NRG1: variants seen among roughly 807,000 people sequenced by gnomAD.
The protein encoded by NRG1 is pro-neuregulin-1, membrane-bound isoform.
In NRG1, 18 loss-of-function variants were observed where a neutral mutation model predicts 63.8. That is an observed-to-expected ratio of 0.28 (90% CI 0.19 to 0.42). NRG1 has a LOEUF of 0.42. Among genes scored for constraint, NRG1 ranks in the 10% least tolerant of loss-of-function variants. The pLI, the probability that NRG1 is intolerant of heterozygous loss-of-function variation, is 1.00. For synonymous variants in NRG1, 302 were observed against 301.3 expected (o/e 1.00, Z -0.02); for missense variants, 762 against 814.7 (o/e 0.94, Z 0.79).
At chr8:32,638,066 G>C (rs1229892099) in intron 5 of NRG1, among the ~76,000 whole-genome samples, 1 of 152,132 alleles carries the variant, frequency 6.6e-6, no homozygotes, top group African/African-American at 2.4e-5. Context: ...GCAACTAAAA[G>C]CTTTCCTTTG....
intron 1 of NRG1, among the ~76,000 whole-genome samples, chr8:31,680,799 T>G (rs939042310): frequency 6.6e-6 from 1 of 152,132 alleles, no homozygotes; most frequent in Admixed American, 6.5e-5. Context: ...CTAAAATTGT[T>G]TTAGAAATTT....
intron 5 of NRG1, chr8:32,647,662 C>A: frequency 2.0e-6 from 3 of 1,501,372 alleles, no homozygotes; most frequent in Non-Finnish European, 2.7e-6. Context: ...GTTGGGGGGG[C>A]CTCTGCGTGG....
At chr8:32,540,018 CA>C (rs1010979584) in intron 1 of NRG1, among the ~76,000 whole-genome samples, 2 of 151,588 alleles carry the variant, frequency 1.3e-5, no homozygotes, top group Admixed American at 6.6e-5. Context: ...AACTGATAAA[CA>C]AAAAAAATCT....
At chr8:32,461,178 C>T (rs1010582972) in intron 1 of NRG1, among the ~76,000 whole-genome samples, 1 of 151,738 alleles carries the variant, frequency 6.6e-6, no homozygotes, top group African/African-American at 2.4e-5. Context: ...TACTAAAAAC[C>T]TTTTCTTAAA....
At chr8:32,077,410 A>G (rs1826755932) in intron 1 of NRG1, among the ~76,000 whole-genome samples, 1 of 152,188 alleles carries the variant, frequency 6.6e-6, no homozygotes, top group Non-Finnish European at 1.5e-5. Context: ...ATAAATATGA[A>G]TATCTACTTA....
chr8:31,894,553 CTTT>C (rs397892970), intron 1 of NRG1, among the ~76,000 whole-genome samples: 2 of 91,920 alleles, frequency 2.2e-5, no homozygotes, highest in African/African-American at 3.1e-5. Context: ...TTTCTTTTTT[CTTT>C]TTTTTTTTTT....
rs374377158 is a variant in NRG1, at chr8:32,410,176, C to CTTTT, written c.38-185633_38-185630dup. On this transcript the variant is annotated intron_variant, in intron 1 of 10. Transcript: ENST00000519301. The stretch of plus-strand genomic sequence containing the variant: ...CCTAAGGAAAGGATCTTTTTCTTTC[C>CTTTT]TTTTTTTTTTTTTTTTTTTTTTGAG... Among the ~76,000 whole-genome samples the CTTTT allele has an allele frequency of 3.0e-3, 302 of 99,294 alleles. 2 individuals are homozygous for CTTTT. Among genetic ancestry groups the CTTTT allele is most frequent in the Non-Finnish European group, 3.7e-3 (189 of 50,988 alleles). The allele number at this position is 99,294 out of a possible 152,430, so 65.1% of individuals were successfully genotyped here.
intron 1 of NRG1, among the ~76,000 whole-genome samples, chr8:31,784,173 C>T (rs578201820): frequency 2.6e-5 from 4 of 152,260 alleles, no homozygotes; most frequent in Admixed American, 1.3e-4. Flanking sequence ...GCTTAGGAAA[C>T]TAAATTTTAA....
intron 1 of NRG1, among the ~76,000 whole-genome samples, chr8:32,414,401 A>G (rs1815564484): frequency 6.6e-6 from 1 of 152,214 alleles, no homozygotes; most frequent in South Asian, 2.1e-4. Context: ...ATGTTCCCAC[A>G]TATCTCCCTT....
intron 1 of NRG1, among the ~76,000 whole-genome samples, chr8:32,111,209 C>T (rs1291372710): frequency 6.6e-6 from 1 of 152,072 alleles, no homozygotes; most frequent in Non-Finnish European, 1.5e-5. Flanking sequence ...CTCTGCCTCC[C>T]GGGTTCAAGC....
intron 1 of NRG1, among the ~76,000 whole-genome samples, chr8:32,060,758 T>C (rs1323881931): frequency 2.6e-5 from 4 of 151,930 alleles, no homozygotes; most frequent in Non-Finnish European, 5.9e-5. Context: ...GAAGTTTTTG[T>C]TATTCTTTTT....
intron 5 of NRG1, among the ~76,000 whole-genome samples, chr8:32,706,738 C>T (rs1164119410): frequency 6.6e-6 from 1 of 151,978 alleles, no homozygotes; most frequent in East Asian, 1.9e-4. Context: ...TGATTGAGGT[C>T]ATAAAAAAGG....
chr8:31,685,496 C>A (rs1808791699), intron 1 of NRG1, among the ~76,000 whole-genome samples: 1 of 152,086 alleles, frequency 6.6e-6, no homozygotes, highest in Non-Finnish European at 1.5e-5. Context: ...GTTTAAACAG[C>A]TTTATTGAGA....
At chr8:32,197,425 A>G (rs1192636505) in intron 1 of NRG1, among the ~76,000 whole-genome samples, 1 of 152,052 alleles carries the variant, frequency 6.6e-6, no homozygotes, top group Non-Finnish European at 1.5e-5. Flanking sequence ...TTAAAGGCTG[A>G]TTTGGTGACT....
chr8:31,765,793 G>T lies in NRG1; in HGVS notation c.37+126362G>T, dbSNP rs73673308. 7.8e-3 allele frequency among the ~76,000 whole-genome samples: 1,180 copies of T among 152,068 alleles called. 20 individuals are homozygous for T. The highest frequency in any genetic ancestry group is 0.027 in the African/African-American group (1,102 of 41,480). The stretch of plus-strand genomic sequence containing the variant: ...ATTTTACTCCTGGCTCTTTTATCAG[G>T]CCAGGATTTTACTCCTGGCTCCTTC... On this transcript the variant is annotated intron_variant, in intron 1 of 10. Coordinates refer to the NRG1 transcript ENST00000519301.
intron 1 of NRG1, among the ~76,000 whole-genome samples, chr8:32,087,813 G>C (rs182724199): frequency 2.6e-5 from 4 of 152,174 alleles, no homozygotes; most frequent in African/African-American, 9.7e-5. Flanking sequence ...ACTTATGTAA[G>C]TGAAATCATG....
intron 1 of NRG1, chr8:32,287,307 A>C (rs1853651037): frequency 6.6e-6 from 1 of 152,232 alleles, no homozygotes; most frequent in East Asian, 1.9e-4. Flanking sequence ...ATTCAAGAGG[A>C]GGGAAATGGA....
intron 1 of NRG1, among the ~76,000 whole-genome samples, chr8:31,804,810 T>TA (rs1472821318): frequency 6.6e-6 from 1 of 152,206 alleles, no homozygotes; most frequent in Admixed American, 6.5e-5. Flanking sequence ...TAACCACATC[T>TA]AAAAAATGCC....
chr8:31,869,128 A>AT (rs1441507630), intron 1 of NRG1, among the ~76,000 whole-genome samples: 1 of 152,194 alleles, frequency 6.6e-6, no homozygotes, highest in East Asian at 1.9e-4. Context: ...TGTCTCATCA[A>AT]TTTTGGGTCT....
Sources: allele counts gnomAD v4.1 joint callset (sites outside exome capture counted in the v4.1 genomes callset), GRCh38; gene constraint gnomAD v4.1.1; transcripts MANE v1.5; gene names NCBI Gene and HGNC (gene_info 2026-07-23, HGNC 2026-07-21).